ENPEP: variants seen among roughly 807,000 people sequenced by gnomAD.
ENPEP encodes AP-A.
Under a neutral mutation model 114.5 loss-of-function variants are expected in ENPEP, and 103 were observed. That is an observed-to-expected ratio of 0.90 (90% CI 0.77 to 1.06). The LOEUF (loss-of-function observed/expected upper bound fraction) is 1.06, where lower values mean the gene tolerates loss of function less well. Ranked by LOEUF, ENPEP falls within the 50% of genes least tolerant of loss-of-function variation. The pLI, the probability that ENPEP is intolerant of heterozygous loss-of-function variation, is 0.00. For synonymous variants in ENPEP, 420 were observed against 422.0 expected (o/e 1.00, Z 0.06); for missense variants, 1,196 against 1,161.3 (o/e 1.03, Z -0.43).
In ENPEP at chr4:110,553,373, A is replaced by G. The variant is rs757968713; in HGVS notation, c.2560A>G (p.Ile854Val). ...TAAAACTCAGGATGTGTTTACAGTC[A>G]TTCGATATATCTCATATAACAGCTA... ...LIKTQDVFTV[I>V]RYISYNSYGK... The change falls in exon 18 of 20, where the codon ATT becomes GTT. Residue 854 changes from isoleucine to valine, a missense_variant. Physicochemically the swap from Ile to Val is conservative, Grantham distance 29. Transcript: ENST00000265162. 1.2e-6 allele frequency: 2 copies of G among 1,611,676 alleles called. No individual in the cohort carries two copies. Among genetic ancestry groups the G allele is most frequent in the South Asian group, 2.2e-5 (2 of 90,754 alleles).
chr4:110,491,944 C>T (rs1278314242), intron 3 of ENPEP, among the ~76,000 whole-genome samples: 1 of 152,038 alleles, frequency 6.6e-6, no homozygotes, highest in Non-Finnish European at 1.5e-5. Flanking sequence ...TTGTCTCTAA[C>T]TCCTGACCTC....
intron 18 of ENPEP, among the ~76,000 whole-genome samples, chr4:110,553,764 T>C (rs542873613): frequency 6.6e-6 from 1 of 152,156 alleles, no homozygotes; most frequent in Non-Finnish European, 1.5e-5. Context: ...GTACCTAGCA[T>C]AATGCCAGGC....
At chr4:110,499,114 C>G (rs936058009) in intron 3 of ENPEP, among the ~76,000 whole-genome samples, 2 of 152,066 alleles carry the variant, frequency 1.3e-5, no homozygotes, top group Non-Finnish European at 2.9e-5. Flanking sequence ...TTTCAATGTT[C>G]TTACTGGCAA....
Position 110,476,887 on chromosome 4 carries a change from G to T in ENPEP, c.473G>T (p.Arg158Leu), listed in dbSNP as rs1489093019. 1 of 1,614,134 alleles carries T rather than the reference G, an allele frequency of 6.2e-7. No individual in the cohort carries two copies. Among genetic ancestry groups the T allele is most frequent in the Non-Finnish European group, 8.5e-7 (1 of 1,180,022 alleles). Residue 158 changes from arginine to leucine, a missense_variant, in exon 1 of 20, where the codon CGG becomes CTG. Arg to Leu is a moderately radical substitution (Grantham distance 102, BLOSUM62 -2). Coordinates refer to ENST00000265162, the MANE Select transcript of ENPEP (RefSeq NM_001977.4). ...CCCTCTGGGGACCAGGTGCAAGTCCGGAGGTGTTTCGAGTACAAAAAGCAG... is the reference window on the plus strand; with the variant it reads ...CCCTCTGGGGACCAGGTGCAAGTCCTGAGGTGTTTCGAGTACAAAAAGCAG... ...KRPSGDQVQV[R>L]RCFEYKKQEY... is the part of the protein sequence containing the mutation.
rs146749122 is a variant in ENPEP, at chr4:110,520,475, A to G, written c.1727+109A>G. 2.2e-4 allele frequency: 262 copies of G among 1,170,184 alleles called. 1 individual carries two copies. The East Asian group carries it at 4.3e-3, about 19-fold the overall frequency. The allele number at this position is 1,170,184 out of a possible 1,614,324, so 72.5% of individuals were successfully genotyped here. A position where few individuals can be genotyped will look rare whatever the true frequency, so the allele number is the denominator to read the frequency against. On this transcript the variant is annotated intron_variant, in intron 10 of 19. Coordinates refer to ENST00000265162, the MANE Select transcript of ENPEP (RefSeq NM_001977.4). Reference sequence around the variant, plus strand: ...TGATGGATGAGTGATATACAAGTATAAAGCCACAGTGCCTTTAGGGGAACA... The same window carrying G: ...TGATGGATGAGTGATATACAAGTATGAAGCCACAGTGCCTTTAGGGGAACA...
intron 8 of ENPEP, chr4:110,518,955 A>C (rs1725881876): frequency 2.5e-6 from 1 of 404,664 alleles, no homozygotes; most frequent in South Asian, 1.9e-5. Flanking sequence ...TATTATTTAA[A>C]AATATTAGAC....
chr4:110,558,148 A>G (rs1432829616), intron 18 of ENPEP, among the ~76,000 whole-genome samples: 1 of 148,676 alleles, frequency 6.7e-6, no homozygotes, highest in Non-Finnish European at 1.5e-5. Flanking sequence ...AGGGCAAACC[A>G]TCACCTCCCA....
intron 3 of ENPEP, among the ~76,000 whole-genome samples, chr4:110,497,717 G>GT (rs1043795650): frequency 1.3e-5 from 2 of 152,084 alleles, no homozygotes; most frequent in African/African-American, 4.8e-5. Context: ...AAAAAAAGGT[G>GT]TTTTTTCACC....
chr4:110,502,894 T>C (rs1377087593), intron 3 of ENPEP, among the ~76,000 whole-genome samples: 1 of 152,138 alleles, frequency 6.6e-6, no homozygotes, highest in Non-Finnish European at 1.5e-5. Flanking sequence ...TTCTTCTTAT[T>C]CGATGTTTTC....
chr4:110,552,656 TG>T (rs1259781127), intron 17 of ENPEP, among the ~76,000 whole-genome samples: 1 of 152,134 alleles, frequency 6.6e-6, no homozygotes, highest in African/African-American at 2.4e-5. Flanking sequence ...TGACCTTTTT[TG>T]GAAACACTTT....
Position 110,520,011 on chromosome 4 carries a change from T to A in ENPEP, c.1513T>A (p.Tyr505Asn), listed in dbSNP as rs755056802. ...GCTGATTATTTTTTACACACAGATGTACTTGGAAAAATACCAATTCAAGAA... is the reference window on the plus strand; with the variant it reads ...GCTGATTATTTTTTACACACAGATGAACTTGGAAAAATACCAATTCAAGAA... ...PENFQKGCQM[Y>N]LEKYQFKNAK... Residue 505 changes from tyrosine (Y) to asparagine (N), a missense_variant, in exon 9 of 20, where the codon TAC becomes AAC. Physicochemically the swap from Tyr to Asn is moderately radical, Grantham distance 143 (BLOSUM62 -2). Coordinates refer to ENST00000265162, the MANE Select transcript of ENPEP (RefSeq NM_001977.4). The A allele has an allele frequency of 6.2e-7, 1 of 1,613,604 alleles. No homozygotes were observed. Among genetic ancestry groups the A allele is most frequent in the South Asian group, 1.1e-5 (1 of 91,024 alleles).
chr4:110,506,240 G>A (rs1040657523), intron 3 of ENPEP: 9 of 155,722 alleles, frequency 5.8e-5, no homozygotes, highest in Non-Finnish European at 1.3e-4. Flanking sequence ...GAAAGAGCGC[G>A]CAAGAGAGAA....
intron 3 of ENPEP, among the ~76,000 whole-genome samples, chr4:110,492,402 G>A (rs1724760779): frequency 6.6e-6 from 1 of 152,142 alleles, no homozygotes; most frequent in African/African-American, 2.4e-5. Context: ...GGAGGAGAGG[G>A]GATGGGTTCC....
intron 10 of ENPEP, among the ~76,000 whole-genome samples, chr4:110,522,791 T>C (rs1051307502): frequency 1.2e-4 from 19 of 152,078 alleles, no homozygotes; most frequent in Non-Finnish European, 2.5e-4. Flanking sequence ...TTAAACCAAG[T>C]GTGAAAGTAC....
intron 4 of ENPEP, 125 bp downstream of exon 4, chr4:110,506,882 G>A (rs1044818174): frequency 2.5e-5 from 23 of 911,698 alleles, no homozygotes; most frequent in East Asian, 8.5e-5. Flanking sequence ...ATTCTATGCC[G>A]ACAATATCTT....
Position 110,562,750 on chromosome 4 carries a change from T to C in ENPEP, c.*1192T>C, listed in dbSNP as rs1727719994. The C allele has an allele frequency of 6.6e-6, 1 of 152,176 alleles. No homozygotes were observed. The highest frequency in any genetic ancestry group is 6.5e-5 in the Admixed American group (1 of 15,270). 9.4% of individuals were successfully genotyped at this position (152,176 alleles called of 1,614,324 possible). A position where few individuals can be genotyped will look rare whatever the true frequency, so the allele number is the denominator to read the frequency against. Reference sequence around the variant, plus strand: ...CACTTGATACCTCCTAGATCCATAATGTAAGTCCAATAGGCAGAAAAGATG... The same window carrying C: ...CACTTGATACCTCCTAGATCCATAACGTAAGTCCAATAGGCAGAAAAGATG... On this transcript the variant is annotated 3_prime_UTR_variant, in exon 20 of 20. Coordinates refer to ENST00000265162, the MANE Select transcript of ENPEP (RefSeq NM_001977.4).
At chr4:110,524,859 A>G (rs902525915) in intron 10 of ENPEP, among the ~76,000 whole-genome samples, 5 of 152,152 alleles carry the variant, frequency 3.3e-5, no homozygotes, top group African/African-American at 1.2e-4. Flanking sequence ...CCTGAGCTCA[A>G]GTGATTTTCT....
In ENPEP at chr4:110,476,703, G is replaced by T. The variant is rs534876489; in HGVS notation, c.289G>T (p.Val97Phe). The T allele has an allele frequency of 1.2e-6, 2 of 1,613,878 alleles. No individual in the cohort carries two copies. The highest frequency in any genetic ancestry group is 2.2e-5 in the South Asian group (2 of 91,062). Residue 97 changes from valine to phenylalanine, a missense_variant, in exon 1 of 20, where the codon GTC (valine) becomes TTC (phenylalanine). By Grantham distance (50) the Val-to-Phe change is conservative. Transcript: ENST00000265162. Reference sequence around the variant, plus strand: ...GAAAAACTTTCGACTGCCGGACTTCGTCAACCCAGTCCACTACGACCTGCA... The same window carrying T: ...GAAAAACTTTCGACTGCCGGACTTCTTCAACCCAGTCCACTACGACCTGCA... ...QWKNFRLPDF[V>F]NPVHYDLHVK...
At chr4:110,546,183 C>T (rs1033458630) in intron 13 of ENPEP, among the ~76,000 whole-genome samples, 7 of 152,100 alleles carry the variant, frequency 4.6e-5, no homozygotes, top group Admixed American at 4.6e-4. Context: ...GGGCTATCAG[C>T]AAAGAGCCAC....
Sources: allele counts gnomAD v4.1 joint callset (sites outside exome capture counted in the v4.1 genomes callset), GRCh38; gene constraint gnomAD v4.1.1; transcripts MANE v1.5; gene names NCBI Gene and HGNC (gene_info 2026-07-23, HGNC 2026-07-21).